The following ETS1 variants were observed in gnomAD, a reference collection of about 807,000 sequenced individuals.
The protein encoded by ETS1 is protein C-ets-1.
A neutral mutation model predicts 58.6 loss-of-function variants in ETS1; 15 were observed. The observed-to-expected ratio is 0.26, with a 90% confidence interval of 0.17 to 0.39. The LOEUF is 0.39. Among genes scored for constraint, ETS1 ranks in the 10% least tolerant of loss-of-function variants. ETS1 has a pLI of 1.00. For synonymous variants in ETS1, 214 were observed against 218.2 expected, an observed-to-expected ratio of 0.98 and a Z score of 0.17; for missense variants, 417 against 610.5, an observed-to-expected ratio of 0.68 and a Z score of 3.34.
Position 128,519,413 on chromosome 11 carries a change from G to C in ETS1, c.215-28837C>G, listed in dbSNP as rs964854656. ...TTAAGCCAGATAAGATCCCACACTA[G>C]CTGTCTCCACACATAAGAAACTAAG... On this transcript the variant is annotated intron_variant, in intron 3 of 9. Coordinates refer to ENST00000392668, the MANE Select transcript of ETS1 (RefSeq NM_001143820.2). Among the ~76,000 whole-genome samples, 8 of 152,288 alleles carry C rather than the reference G, an allele frequency of 5.3e-5. No individual in the cohort carries two copies. The East Asian group carries it at 1.5e-3, about 29-fold the overall frequency.
At chr11:128,513,538 A>C (rs2135504115) in intron 3 of ETS1, among the ~76,000 whole-genome samples, 1 of 152,362 alleles carries the variant, frequency 6.6e-6, no homozygotes, top group African/African-American at 2.4e-5. Context: ...AAATACGGTA[A>C]GGTCTTCCTT....
intron 3 of ETS1, among the ~76,000 whole-genome samples, chr11:128,545,993 C>T (rs1321067674): frequency 6.6e-6 from 1 of 152,244 alleles, no homozygotes; most frequent in African/African-American, 2.4e-5. Flanking sequence ...GAACAGCCCA[C>T]AGGCATTTCT....
intron 1 of ETS1, among the ~76,000 whole-genome samples, chr11:128,580,321 A>C (rs369225682): frequency 6.6e-6 from 1 of 151,980 alleles, no homozygotes; most frequent in East Asian, 1.9e-4. Context: ...GAGTTCATCT[A>C]TACTCCTTCA....
intron 2 of ETS1, among the ~76,000 whole-genome samples, chr11:128,567,769 A>G (rs1046977021): frequency 2.6e-5 from 4 of 152,130 alleles, no homozygotes; most frequent in Non-Finnish European, 4.4e-5. Context: ...CATAGCTGGA[A>G]TTACAGGCGT....
intron 3 of ETS1, among the ~76,000 whole-genome samples, chr11:128,509,264 C>T (rs1299035517): frequency 6.6e-6 from 1 of 152,216 alleles, no homozygotes; most frequent in African/African-American, 2.4e-5. Context: ...CAGAGGTTAA[C>T]ATTATGTCCA....
chr11:128,493,870 C>A (rs959439326), intron 3 of ETS1, among the ~76,000 whole-genome samples: 6 of 152,138 alleles, frequency 3.9e-5, no homozygotes, highest in East Asian at 1.9e-4. Context: ...TTCAAAAATT[C>A]TCTTCATGTT....
chr11:128,475,394 A>C (rs1862293806), intron 8 of ETS1, among the ~76,000 whole-genome samples: 1 of 152,140 alleles, frequency 6.6e-6, no homozygotes. Flanking sequence ...CTGATCCCTA[A>C]AACTCAACTA....
rs564543936 is a variant in ETS1 at position 128,564,914 on chromosome 11, G to T, written c.69+8148C>A. Among the ~76,000 whole-genome samples the T allele has an allele frequency of 6.6e-5, 10 of 151,758 alleles. No individual in the cohort carries two copies. In the South Asian group the frequency reaches 2.1e-3, roughly 32 times the overall value. ...TCAGCAATCTACACAATGGAGTTTG[G>T]GTTTTTTGTTTTTTTTTGTTTTTTC... On this transcript the variant is annotated intron_variant, in intron 2 of 9. Transcript: ENST00000392668.
At chr11:128,466,145 C>A (rs1862028132) in intron 8 of ETS1, among the ~76,000 whole-genome samples, 1 of 152,232 alleles carries the variant, frequency 6.6e-6, no homozygotes, top group Non-Finnish European at 1.5e-5. Flanking sequence ...AGTGGCCGTG[C>A]CAGGCCCCGC....
At chr11:128,547,963 T>A (rs1211326894) in intron 3 of ETS1, among the ~76,000 whole-genome samples, 1 of 152,088 alleles carries the variant, frequency 6.6e-6, no homozygotes, top group South Asian at 2.1e-4. Flanking sequence ...CTACATTTCA[T>A]GTTTGACTGA....
At chr11:128,529,450 T>C (rs896045210) in intron 3 of ETS1, among the ~76,000 whole-genome samples, 1 of 152,186 alleles carries the variant, frequency 6.6e-6, no homozygotes, top group Non-Finnish European at 1.5e-5. Flanking sequence ...AAAGCAGCCC[T>C]AACCACTTTT....
At chr11:128,551,936 G>T (rs1864235695) in intron 3 of ETS1, among the ~76,000 whole-genome samples, 1 of 152,128 alleles carries the variant, frequency 6.6e-6, no homozygotes, top group African/African-American at 2.4e-5. Flanking sequence ...GCAAATTTTT[G>T]AGCCTTAGCC....
intron 3 of ETS1, among the ~76,000 whole-genome samples, chr11:128,533,193 T>C (rs547109869): frequency 3.5e-4 from 54 of 152,302 alleles, no homozygotes; most frequent in South Asian, 1.0e-3. Flanking sequence ...GCTTTTAAAA[T>C]AAATTATTTG....
intron 2 of ETS1, among the ~76,000 whole-genome samples, chr11:128,556,972 A>G (rs535730981): frequency 7.9e-5 from 12 of 152,260 alleles, no homozygotes; most frequent in South Asian, 4.1e-4. Flanking sequence ...ATTTGCCCCA[A>G]TTTTCGAAGA....
chr11:128,581,252 TCTAA>T (rs1245802665), intron 1 of ETS1, among the ~76,000 whole-genome samples: 1 of 152,210 alleles, frequency 6.6e-6, no homozygotes, highest in Non-Finnish European at 1.5e-5. Flanking sequence ...GGTCTAGGAA[TCTAA>T]CTAAGAAAAT....
Position 128,556,271 on chromosome 11 carries a change from G to A in ETS1, c.214+20C>T, listed in dbSNP as rs370274281. On this transcript the variant is annotated intron_variant, in intron 3 of 9. Coordinates refer to ENST00000392668, the MANE Select transcript of ETS1 (RefSeq NM_001143820.2). ...TCCTTCAACTCTATCCTCATTCCCA[G>A]CTTTTGTTTATGTTCCTACCTGAGA... 1 of 1,591,400 alleles carries A rather than the reference G, an allele frequency of 6.3e-7. No homozygotes were observed. Among genetic ancestry groups the A allele is most frequent in the Non-Finnish European group, 8.5e-7 (1 of 1,171,090 alleles).
chr11:128,532,890 T>C (rs1389959134), intron 3 of ETS1, among the ~76,000 whole-genome samples: 1 of 152,164 alleles, frequency 6.6e-6, no homozygotes, highest in Admixed American at 6.5e-5. Flanking sequence ...TCTCCCTCTA[T>C]TAAAACCACC....
rs147400893 is a variant in ETS1, at chr11:128,463,440, C to T, written c.1242+69G>A. 3.1e-5 allele frequency: 29 copies of T among 924,610 alleles called. No homozygotes were observed. The highest frequency in any genetic ancestry group is 2.7e-4 in the East Asian group (11 of 40,956). The allele number at this position is 924,610 out of a possible 1,614,324, so 57.3% of individuals were successfully genotyped here. ...TCCTGGAACACGTCATTCAGGCCCA[C>T]GCCACCCCTTCCAGGAGTTTTCTCT... On this transcript the variant is annotated intron_variant, in intron 9 of 9. Coordinates refer to ENST00000392668, the MANE Select transcript of ETS1 (RefSeq NM_001143820.2). The surrounding 1 kb of genome is among the most constrained non-coding windows in gnomAD (Gnocchi z 4.1).
intron 3 of ETS1, chr11:128,522,079 G>A: frequency 7.2e-7 from 1 of 1,382,472 alleles, no homozygotes; most frequent in South Asian, 1.6e-5. Context: ...AGTAACAGGG[G>A]GAAGGGGACG....
Sources: gnomAD v4.1 joint callset for allele counts (sites outside exome capture counted in the v4.1 genomes callset) on GRCh38, gnomAD v4.1.1 for gene constraint, Gnocchi (gnomAD v3.1) non-coding constraint, MANE v1.5 for transcripts, NCBI Gene and HGNC (gene_info 2026-07-23, HGNC 2026-07-21) for gene names.